The following SIM2 variants were observed in gnomAD, a reference collection of about 807,000 sequenced individuals.
The protein encoded by SIM2 is single-minded homolog 2.
Under a neutral mutation model 64.8 loss-of-function variants are expected in SIM2, and 28 were observed. The ratio of observed to expected loss-of-function variants is 0.43; its 90% confidence interval spans 0.32 to 0.59. The LOEUF is 0.59. Among genes scored for constraint, SIM2 ranks in the 20% least tolerant of loss-of-function variants. The pLI is 0.07. For missense variants in SIM2, 847 were observed against 871.4 expected, an observed-to-expected ratio of 0.97 and a Z score of 0.35; for synonymous variants, 408 against 391.1, an observed-to-expected ratio of 1.04 and a Z score of -0.51.
chr21:36,730,186 G>A (rs2088946715), intron 6 of SIM2, among the ~76,000 whole-genome samples: 1 of 152,190 alleles, frequency 6.6e-6, no homozygotes, highest in East Asian at 1.9e-4. Flanking sequence ...TGCAACAGAG[G>A]TTTAAACACT....
chr21:36,706,234 G>C (rs2088579464), intron 1 of SIM2, among the ~76,000 whole-genome samples: 1 of 152,218 alleles, frequency 6.6e-6, no homozygotes, highest in Admixed American at 6.5e-5. Flanking sequence ...AGGGAGGAAT[G>C]AGGCGCTGGC....
intron 1 of SIM2, among the ~76,000 whole-genome samples, 154 bp from the exon 2 acceptor site, chr21:36,709,014 C>G (rs2088631584): frequency 6.6e-6 from 1 of 151,786 alleles, no homozygotes; most frequent in Non-Finnish European, 1.5e-5. Flanking sequence ...GGCGAGAGCA[C>G]AGATGGCGGC....
chr21:36,740,009 GAGAAAGAAAGAAAGAAAGAAAGAA>G (rs71840582), intron 7 of SIM2, among the ~76,000 whole-genome samples: 3,154 of 131,248 alleles, frequency 0.024, 61 homozygotes, highest in Non-Finnish European at 0.034. Flanking sequence ...GAAAGAAAGA[GAGAAAGAAAGAAAGAAAGAAAGAA>G]AGAAAGAAAG....
At chr21:36,737,961 C>CAAAAAAAAAAAAAAAAAAAAAAACAA (rs61252184) in intron 7 of SIM2, among the ~76,000 whole-genome samples, 1 of 34,116 alleles carries the variant, frequency 2.9e-5, no homozygotes, top group African/African-American at 1.1e-4. Context: ...GACCCTGTCT[C>CAAAAAAAAAAAAAAAAAAAAAAACAA]AAAAAAAAAA....
chr21:36,719,517 G>A lies in SIM2; in HGVS notation c.349-304G>A, dbSNP rs181422248. Reference sequence around the variant, plus strand: ...GAAGGATGCTGCCCAGGCCAGCAGCGCCGCCCACCTCTGGTGCCCACCTTT... The same window carrying A: ...GAAGGATGCTGCCCAGGCCAGCAGCACCGCCCACCTCTGGTGCCCACCTTT... On this transcript the variant is annotated intron_variant, in intron 3 of 10. Coordinates refer to ENST00000290399, the MANE Select transcript of SIM2 (RefSeq NM_005069.6). Among the ~76,000 whole-genome samples the A allele has an allele frequency of 1.4e-4, 22 of 152,256 alleles. No homozygotes were observed. In the East Asian group the frequency reaches 2.1e-3, roughly 15 times the overall value.
rs562826104 is a variant in SIM2 at position 36,733,782 on chromosome 21, C to A, written c.850+2631C>A. ...TTCACCGTGTTAGCCAGGATGGTCT[C>A]AATCTCCTGACCTCGTGATCCGCCC... On this transcript the variant is annotated intron_variant, in intron 7 of 10. Transcript: ENST00000290399. 8.3e-4 allele frequency among the ~76,000 whole-genome samples: 126 copies of A among 152,180 alleles called. 1 individual carries two copies. Among genetic ancestry groups the A allele is most frequent in the Non-Finnish European group, 1.2e-3 (85 of 68,004 alleles).
chr21:36,709,991 G>T (rs749920311), intron 2 of SIM2: 1 of 158,786 alleles, frequency 6.3e-6, no homozygotes, highest in Non-Finnish European at 1.4e-5. Flanking sequence ...ATCATGCCTG[G>T]CTAATTTTTG....
At chr21:36,731,960 G>A (rs1386092487) in intron 7 of SIM2, among the ~76,000 whole-genome samples, 1 of 152,134 alleles carries the variant, frequency 6.6e-6, no homozygotes, top group Non-Finnish European at 1.5e-5. Flanking sequence ...TTGGCTCACT[G>A]CAACCTCCGC....
In SIM2 at chr21:36,745,733, AC is replaced by A; in HGVS notation, c.1576+599del. 7.8e-7 allele frequency: 1 copy of A among 1,287,656 alleles called. No homozygotes were observed. The highest frequency in any genetic ancestry group is 1.0e-6 in the Non-Finnish European group (1 of 975,804). The allele number at this position is 1,287,656 out of a possible 1,614,324, so 79.8% of individuals were successfully genotyped here. A position where few individuals can be genotyped will look rare whatever the true frequency, so the allele number is the denominator to read the frequency against. On this transcript the variant is annotated intron_variant, in intron 10 of 10. Coordinates refer to ENST00000290399, the MANE Select transcript of SIM2 (RefSeq NM_005069.6). This position sits in a 1 kb window ranked among gnomAD's most constrained non-coding sequence, Gnocchi z 4.8. ...CCCAAGGACACGACACACAGTAGGG[AC>A]CTGCCCTGTACATGCTAGTTCAACA...
intron 8 of SIM2, 77 bp downstream of exon 8, chr21:36,741,941 A>ATCTCTCTT (rs905199623): frequency 1.5e-6 from 2 of 1,325,114 alleles, no homozygotes; most frequent in South Asian, 3.0e-5. Context: ...AATAAGCACC[A>ATCTCTCTT]TCTCTCTTTC....
intron 6 of SIM2, among the ~76,000 whole-genome samples, chr21:36,727,141 G>A (rs548241874): frequency 1.0e-3 from 152 of 152,230 alleles, no homozygotes; most frequent in African/African-American, 3.5e-3. Flanking sequence ...AGGTTCAAGC[G>A]ATTCTGCCTC....
In SIM2 at chr21:36,712,595, C is replaced by T. The variant is rs758388800; in HGVS notation, c.321C>T (p.Thr107=). Reference sequence around the variant, plus strand: ...GCAAAATCATGTATATATCCGAGACCGCTTCTGTCCATTTAGGCTTATCCC... The same window carrying T: ...GCAAAATCATGTATATATCCGAGACTGCTTCTGTCCATTTAGGCTTATCCC... The part of the protein sequence containing the change: ...SDGKIMYISE[T]ASVHLGLSQV... Residue 107 remains threonine, a synonymous_variant, in exon 3 of 11, where the codon ACC becomes ACT. Transcript: ENST00000290399. 4.0e-5 allele frequency: 65 copies of T among 1,613,084 alleles called. No individual in the cohort carries two copies. Among genetic ancestry groups the T allele is most frequent in the East Asian group, 4.5e-5 (2 of 44,876 alleles).
chr21:36,744,862 A>T lies in SIM2; in HGVS notation c.1302A>T (p.Pro434=), dbSNP rs1219531165. 1 of 1,614,230 alleles carries T rather than the reference A, an allele frequency of 6.2e-7. No homozygotes were observed. Among genetic ancestry groups the T allele is most frequent in the Admixed American group, 1.7e-5 (1 of 60,032 alleles). Residue 434 remains proline (P), a synonymous_variant, in exon 10 of 11, where the codon CCA becomes CCT. Transcript: ENST00000290399. ...AAAGCAGTGACCTTCTGTACACGCC[A>T]TCCTACAGCCTGCCCTTCTCCTACC... The part of the protein sequence containing the change: ...HSESSDLLYT[P]SYSLPFSYHY...
intron 7 of SIM2, among the ~76,000 whole-genome samples, chr21:36,733,373 C>T (rs1568936549): frequency 9.2e-5 from 14 of 151,808 alleles, no homozygotes; most frequent in Admixed American, 8.5e-4. Context: ...TACAGGTGCC[C>T]ACCACCACGC....
chr21:36,726,165 A>G lies in SIM2; in HGVS notation c.590A>G (p.Asp197Gly). ...TTGAAGATCAGGCAGTATATGCTGG[A>G]CATGTCCCTGTACGACTCCTGCTAC... ...GYLKIRQYML[D>G]MSLYDSCYQI... The change falls in exon 6 of 11, where the codon GAC (aspartate) becomes GGC (glycine). Residue 197 changes from aspartate (D) to glycine (G), a missense_variant. Asp to Gly is a moderately conservative substitution (Grantham distance 94). Coordinates refer to ENST00000290399, the MANE Select transcript of SIM2 (RefSeq NM_005069.6). The surrounding 1 kb of genome is among the most constrained non-coding windows in gnomAD (Gnocchi z 4.5). 1 of 1,614,042 alleles carries G rather than the reference A, an allele frequency of 6.2e-7. No homozygotes were observed. The highest frequency in any genetic ancestry group is 1.6e-4 in the Middle Eastern group (1 of 6,062).
At chr21:36,719,016 T>C (rs2123448863) in intron 3 of SIM2, among the ~76,000 whole-genome samples, 1 of 152,330 alleles carries the variant, frequency 6.6e-6, no homozygotes, top group South Asian at 2.1e-4. Context: ...CAAAGTGACA[T>C]GGATGTGCTG....
Position 36,738,550 on chromosome 21 carries a change from C to A in SIM2, c.851-3167C>A, listed in dbSNP as rs557402223. On this transcript the variant is annotated intron_variant, in intron 7 of 10. Transcript: ENST00000290399. ...AAAATCGCAAGTACTTCTATACCAA[C>A]CTAATAGCTATAGAGAACTTTCCAG... Among the ~76,000 whole-genome samples the A allele has an allele frequency of 3.9e-5, 6 of 152,292 alleles. No homozygotes were observed. In the South Asian group the frequency reaches 1.2e-3, roughly 32 times the overall value.
intron 7 of SIM2, among the ~76,000 whole-genome samples, chr21:36,737,984 C>CAAAAAAAAAAAAAAAAAAAAAAA (rs71326699): frequency 3.3e-5 from 3 of 90,244 alleles, no homozygotes; most frequent in African/African-American, 4.7e-5. Flanking sequence ...AAAAAAAAAG[C>CAAAAAAAAAAAAAAAAAAAAAAA]AAAAAAAAAG....
rs143490056 is a variant in SIM2, at chr21:36,731,772, A to G, written c.850+621A>G. Among the ~76,000 whole-genome samples, 16 of 152,266 alleles carry G rather than the reference A, an allele frequency of 1.1e-4. No homozygotes were observed. In the East Asian group the frequency reaches 3.1e-3, roughly 29 times the overall value. ...TCTTGGGACGGGGTGAACAAACACC[A>G]ATTTGATTTGCCAACGGAGGCGGTT... On this transcript the variant is annotated intron_variant, in intron 7 of 10. Coordinates refer to ENST00000290399, the MANE Select transcript of SIM2 (RefSeq NM_005069.6).
Sources: allele counts gnomAD v4.1 joint callset (sites outside exome capture counted in the v4.1 genomes callset), GRCh38; gene constraint gnomAD v4.1.1; non-coding constraint Gnocchi (gnomAD v3.1); transcripts MANE v1.5; gene names NCBI Gene and HGNC (gene_info 2026-07-23, HGNC 2026-07-21).